LEMD1: variants seen among roughly 807,000 people sequenced by gnomAD.
LEMD1 encodes the protein LEM domain containing 1.
In LEMD1, 18 loss-of-function variants were observed where a neutral mutation model predicts 17.4. That is an observed-to-expected ratio of 1.04 (90% CI 0.72 to 1.54). The LOEUF is 1.54. LEMD1 is among the 40% of genes most tolerant of loss of function. The pLI is 0.00. For synonymous variants in LEMD1, 88 were observed against 77.8 expected (o/e 1.13, Z -0.69); for missense variants, 195 against 210.4 (o/e 0.93, Z 0.45).
chr1:205,426,753 C>T (rs1666061894), upstream of LEMD1, among the ~76,000 whole-genome samples: 1 of 152,164 alleles, frequency 6.6e-6, no homozygotes, highest in African/African-American at 2.4e-5. Context: ...CAGGTCCCTT[C>T]AGGTTCCAGG....
intron 4 of LEMD1, among the ~76,000 whole-genome samples, chr1:205,406,259 C>G (rs1398578487): frequency 6.6e-6 from 1 of 152,368 alleles, no homozygotes; most frequent in East Asian, 1.9e-4. Context: ...ACATTTAAGT[C>G]TGCAAAGGTT....
At chr1:205,407,026 T>C (rs947396739) in intron 4 of LEMD1, among the ~76,000 whole-genome samples, 12 of 152,038 alleles carry the variant, frequency 7.9e-5, no homozygotes, top group African/African-American at 2.9e-4. Context: ...AGGCCAACCA[T>C]GTGATAAGAA....
intron 4 of LEMD1, among the ~76,000 whole-genome samples, chr1:205,411,264 AAG>A (rs755037601): frequency 3.3e-5 from 5 of 150,460 alleles, no homozygotes; most frequent in Non-Finnish European, 7.4e-5. Flanking sequence ...AGGAAGGAAA[AAG>A]AAAGAAGAAA....
At position 205,381,592 on chromosome 1, in the gene LEMD1, G is replaced by T; in HGVS notation, c.*66C>A. On this transcript the variant is annotated 3_prime_UTR_variant, in exon 6 of 6. Coordinates refer to ENST00000367153, the MANE Select transcript of LEMD1 (RefSeq NM_001199050.2). ...CTGCAGGCTAGGCTGGCCCTTCAGG[G>T]TAGTGTTTTGGTTCTTTCCTGAAGC... is the stretch of plus-strand genomic sequence containing the variant. The T allele has an allele frequency of 1.4e-6, 2 of 1,476,566 alleles. No homozygotes were observed. Among genetic ancestry groups the T allele is most frequent in the African/African-American group, 1.4e-5 (1 of 72,342 alleles). 91.5% of individuals were successfully genotyped at this position (1,476,566 alleles called of 1,614,324 possible).
At chr1:205,408,091 C>T (rs1407000741) in intron 4 of LEMD1, among the ~76,000 whole-genome samples, 1 of 151,966 alleles carries the variant, frequency 6.6e-6, no homozygotes, top group Admixed American at 6.6e-5. Flanking sequence ...AGCGTGTGTT[C>T]CTGGAGTGGT....
At chr1:205,437,746 T>A (rs1408504144) in intron 1 of LEMD1, 1 of 152,154 alleles carries the variant, frequency 6.6e-6, no homozygotes, top group Non-Finnish European at 1.5e-5. Context: ...ATTTATGTAA[T>A]CCCCTATTTA....
Position 205,441,208 on chromosome 1 carries a change from T to C in LEMD1, c.-39+8660A>G, listed in dbSNP as rs1277119869. On this transcript the variant is annotated intron_variant, in intron 1 of 3. Coordinates refer to the LEMD1 transcript ENST00000367154. The surrounding 1 kb of genome is among the most constrained non-coding windows in gnomAD (Gnocchi z 4.3). ...GGCCCGCTAGGTCTCTCACACCGGC[T>C]GGGGGAGGAGTCAAGCCTCTAAACA... The C allele has an allele frequency of 6.6e-6, 1 of 152,300 alleles. No homozygotes were observed. Among genetic ancestry groups the C allele is most frequent in the Non-Finnish European group, 1.5e-5 (1 of 68,164 alleles). The allele number at this position is 152,300 out of a possible 1,614,324, so 9.4% of individuals were successfully genotyped here. A position where few individuals can be genotyped will look rare whatever the true frequency, so the allele number is the denominator to read the frequency against.
At chr1:205,390,076 C>G (rs751913469) in intron 4 of LEMD1, among the ~76,000 whole-genome samples, 5 of 151,968 alleles carry the variant, frequency 3.3e-5, no homozygotes, top group African/African-American at 9.7e-5. Context: ...TTCTAGCAAC[C>G]AGGGGAGGTG....
rs564269822 is a variant in LEMD1 at position 205,381,633 on chromosome 1, G to T, written c.*25C>A. On this transcript the variant is annotated 3_prime_UTR_variant, in exon 6 of 6. Coordinates refer to ENST00000367153, the MANE Select transcript of LEMD1 (RefSeq NM_001199050.2). ...TTCCTGAAGCAGGAGGCCTCGCTTG[G>T]AGCATTGCTTTGCTCCTAAATTACT... The T allele has an allele frequency of 6.2e-7, 1 of 1,611,946 alleles. No individual in the cohort carries two copies. Among genetic ancestry groups the T allele is most frequent in the East Asian group, 2.2e-5 (1 of 44,882 alleles).
Position 205,406,724 on chromosome 1 carries a change from C to T in LEMD1, c.270+9508G>A, listed in dbSNP as rs1369406136. On this transcript the variant is annotated intron_variant, in intron 4 of 5. Transcript: ENST00000367153. ...GTGCGCTGCACCCACTGTCCTGCGC[C>T]CACTGTCTGACACTCCCCAGTGAGA... 2.6e-5 allele frequency among the ~76,000 whole-genome samples: 4 copies of T among 152,190 alleles called. No homozygotes were observed. In the East Asian group the frequency reaches 5.8e-4, roughly 22 times the overall value.
intron 1 of LEMD1, among the ~76,000 whole-genome samples, chr1:205,430,663 C>T (rs1355589006): frequency 6.6e-6 from 1 of 152,166 alleles, no homozygotes; most frequent in East Asian, 1.9e-4. Context: ...AAGGAAGAGC[C>T]GGTCTTCCAC....
intron 1 of LEMD1, among the ~76,000 whole-genome samples, chr1:205,432,689 GC>G (rs1666143028): frequency 6.6e-6 from 1 of 152,244 alleles, no homozygotes; most frequent in African/African-American, 2.4e-5. Context: ...GTAGACGCTG[GC>G]AAAGAAGAGA....
In LEMD1 at chr1:205,448,978, GGTGGTTACC is replaced by G. The variant is rs937762328; in HGVS notation, c.-39+881_-39+889del. On this transcript the variant is annotated intron_variant, in intron 1 of 3. Coordinates refer to the LEMD1 transcript ENST00000367154. The surrounding 1 kb of genome is among the most constrained non-coding windows in gnomAD (Gnocchi z 4.7). ...GGGCCAACCTACCCAGACCAGTCTG[GGTGGTTACC>G]GACAACACCCATTCTTGCATAGTTT... Among the ~76,000 whole-genome samples, 13 of 152,106 alleles carry G rather than the reference GGTGGTTACC, an allele frequency of 8.5e-5. No homozygotes were observed. The highest frequency in any genetic ancestry group is 3.1e-4 in the African/African-American group (13 of 41,432).
upstream of LEMD1, among the ~76,000 whole-genome samples, chr1:205,423,251 T>C (rs1334309234): frequency 6.6e-6 from 1 of 152,216 alleles, no homozygotes; most frequent in Non-Finnish European, 1.5e-5. Flanking sequence ...GAATAGAGCA[T>C]CAGTTTTCAA....
At chr1:205,435,208 C>T (rs193247822) in intron 1 of LEMD1, 1 of 152,356 alleles carries the variant, frequency 6.6e-6, no homozygotes, top group Non-Finnish European at 1.5e-5. Flanking sequence ...AACACAGCCA[C>T]CCAGGTGCTG....
intron 4 of LEMD1, among the ~76,000 whole-genome samples, chr1:205,403,766 CT>C (rs1664961293): frequency 6.6e-6 from 1 of 152,016 alleles, no homozygotes; most frequent in Non-Finnish European, 1.5e-5. Flanking sequence ...TTTGCTCTTG[CT>C]TTTTGAGTTC....
intron 4 of LEMD1, among the ~76,000 whole-genome samples, chr1:205,397,998 G>A (rs1664669639): frequency 6.6e-6 from 1 of 152,070 alleles, no homozygotes; most frequent in Non-Finnish European, 1.5e-5. Flanking sequence ...TTCAAAAACT[G>A]GGTTCTATTA....
chr1:205,430,806 C>A (rs1173128136), intron 1 of LEMD1, among the ~76,000 whole-genome samples: 1 of 152,186 alleles, frequency 6.6e-6, no homozygotes, highest in Non-Finnish European at 1.5e-5. Flanking sequence ...CAGTGGGGCG[C>A]CCCGCCCCCG....
chr1:205,397,237 T>C (rs1249029822), intron 4 of LEMD1, among the ~76,000 whole-genome samples: 2 of 152,136 alleles, frequency 1.3e-5, no homozygotes, highest in South Asian at 4.1e-4. Context: ...GTGCCTGGTC[T>C]TTTTTTCCTC....
Sources: allele counts gnomAD v4.1 joint callset (sites outside exome capture counted in the v4.1 genomes callset), GRCh38; gene constraint gnomAD v4.1.1; non-coding constraint Gnocchi (gnomAD v3.1); transcripts MANE v1.5; gene names NCBI Gene and HGNC (gene_info 2026-07-23, HGNC 2026-07-21).